Variants in AGTPBP1 observed in about 807,000 individuals in gnomAD.
The protein encoded by AGTPBP1 is ATP/GTP binding carboxypeptidase 1, also known as cytosolic carboxypeptidase 1.
In AGTPBP1, 70 loss-of-function variants were observed where a neutral mutation model predicts 143.9. The observed-to-expected ratio is 0.49, with a 90% confidence interval of 0.40 to 0.59. The LOEUF (loss-of-function observed/expected upper bound fraction) is 0.59. AGTPBP1 is among the 20% of genes least tolerant of loss of function. The pLI is 0.00. For missense variants in AGTPBP1, 1,229 were observed against 1,464.5 expected, an observed-to-expected ratio of 0.84 and a Z score of 2.62; for synonymous variants, 463 against 500.2, an observed-to-expected ratio of 0.93 and a Z score of 0.99.
intron 17 of AGTPBP1, among the ~76,000 whole-genome samples, chr9:85,618,034 G>A (rs1318879199): frequency 6.6e-6 from 1 of 152,120 alleles, no homozygotes; most frequent in African/African-American, 2.4e-5. Context: ...GAGGTCAGGA[G>A]TGCGAGACCA....
chr9:85,725,706 T>A (rs1411673022), intron 1 of AGTPBP1, among the ~76,000 whole-genome samples: 2 of 152,040 alleles, frequency 1.3e-5, no homozygotes, highest in Admixed American at 6.6e-5. Flanking sequence ...GCCCAAGAGT[T>A]CGAGACTAGC....
chr9:85,579,684 T>C (rs1406927322), intron 23 of AGTPBP1, among the ~76,000 whole-genome samples: 2 of 151,074 alleles, frequency 1.3e-5, no homozygotes, highest in East Asian at 1.9e-4. Flanking sequence ...GTAAATTAAA[T>C]TGTGATACTG....
chr9:85,673,142 A>G, intron 6 of AGTPBP1, among the ~76,000 whole-genome samples: 1 of 152,336 alleles, frequency 6.6e-6, no homozygotes, highest in East Asian at 1.9e-4. Context: ...TGAAAAGAAT[A>G]AAATTATAAT....
chr9:85,669,010 TACATACACAC>T (rs1834315259), intron 8 of AGTPBP1, among the ~76,000 whole-genome samples: 3 of 58,694 alleles, frequency 5.1e-5, no homozygotes, highest in South Asian at 4.7e-4. Flanking sequence ...TGTGTGTGTA[TACATACACAC>T]ACACACACAC....
At chr9:85,672,866 C>T (rs1834576916) in intron 6 of AGTPBP1, among the ~76,000 whole-genome samples, 185 bp from the exon 7 acceptor site, 1 of 151,474 alleles carries the variant, frequency 6.6e-6, no homozygotes, top group East Asian at 2.0e-4. Flanking sequence ...TCCTGAGTAG[C>T]TGGGATTACA....
intron 25 of AGTPBP1, among the ~76,000 whole-genome samples, chr9:85,560,035 G>A (rs1300435644): frequency 1.3e-5 from 2 of 152,114 alleles, no homozygotes; most frequent in Non-Finnish European, 2.9e-5. Flanking sequence ...ACAGACACTG[G>A]CTGGGGTCAA....
At chr9:85,695,846 C>CTT (rs754228578) in intron 2 of AGTPBP1, among the ~76,000 whole-genome samples, 3 of 145,344 alleles carry the variant, frequency 2.1e-5, no homozygotes, top group Non-Finnish European at 3.0e-5. Context: ...TTTTCTTTTA[C>CTT]TTTTTTTTTT....
intron 25 of AGTPBP1, among the ~76,000 whole-genome samples, chr9:85,573,117 C>G (rs1827622921): frequency 6.6e-6 from 1 of 152,080 alleles, no homozygotes. Flanking sequence ...CACGGTCTCC[C>G]TCTCCCTCTC....
chr9:85,692,736 G>A lies in AGTPBP1; in HGVS notation c.110C>T (p.Thr37Ile). The A allele has an allele frequency of 6.2e-7, 1 of 1,614,040 alleles. No individual in the cohort carries two copies. The highest frequency in any genetic ancestry group is 1.7e-5 in the Admixed American group (1 of 60,022). The change falls in exon 3 of 26, where the codon ACT becomes ATT. Residue 37 changes from threonine (T) to isoleucine (I), a missense_variant. Coordinates refer to ENST00000357081, the MANE Select transcript of AGTPBP1 (RefSeq NM_001330701.2). Reference sequence around the variant, plus strand: ...AATTTTTGATGTAACATATCGGGCAGTGTCTGATTCTGAAGGCTCAGCATT... The same window carrying A: ...AATTTTTGATGTAACATATCGGGCAATGTCTGATTCTGAAGGCTCAGCATT... ...KINAEPSESDTARYVTSKILH... is the reference protein window; with the variant it reads ...KINAEPSESDIARYVTSKILH...
the AGTPBP1 span, among the ~76,000 whole-genome samples, chr9:85,801,601 C>G: frequency 6.6e-6 from 1 of 152,004 alleles, no homozygotes; most frequent in Admixed American, 6.6e-5. Context: ...ATTGGAAAAC[C>G]TGGCATGTGT....
Position 85,578,983 on chromosome 9 carries a change from T to C in AGTPBP1, c.3279A>G (p.Ile1093Met). ...CCATGGTATAACTTCTTTGTACTCC[T>C]ATTTCCCTCCAAACTACAACACGTG... ...STARVVVWRE[I>M]GVQRSYTMES... The change falls in exon 24 of 26, where the codon ATA (isoleucine) becomes ATG (methionine). Residue 1093 changes from isoleucine to methionine, a missense_variant. Transcript: ENST00000357081. 2 of 1,613,472 alleles carry C rather than the reference T, an allele frequency of 1.2e-6. No individual in the cohort carries two copies. The highest frequency in any genetic ancestry group is 1.7e-6 in the Non-Finnish European group (2 of 1,179,780).
intron 10 of AGTPBP1, among the ~76,000 whole-genome samples, chr9:85,655,958 G>C (rs1487597297): frequency 1.3e-5 from 2 of 152,164 alleles, no homozygotes; most frequent in African/African-American, 2.4e-5. Flanking sequence ...CTCCCGAGTA[G>C]CTGGGACTAC....
chr9:85,689,234 G>GC (rs1395613588), intron 3 of AGTPBP1, among the ~76,000 whole-genome samples: 1 of 152,216 alleles, frequency 6.6e-6, no homozygotes, highest in African/African-American at 2.4e-5. Flanking sequence ...GTGCTAAAGG[G>GC]CAGAGACTGT....
At chr9:85,638,716 A>C (rs1832250704) in intron 13 of AGTPBP1, among the ~76,000 whole-genome samples, 1 of 151,908 alleles carries the variant, frequency 6.6e-6, no homozygotes, top group South Asian at 2.1e-4. Flanking sequence ...ATAATGATAA[A>C]AAGTCCAACT....
At chr9:85,667,489 G>T (rs1051622865) in intron 8 of AGTPBP1, among the ~76,000 whole-genome samples, 3 of 152,096 alleles carry the variant, frequency 2.0e-5, no homozygotes, top group Non-Finnish European at 2.9e-5. Flanking sequence ...AACAGATACA[G>T]GCAGTGTCAT....
the AGTPBP1 span, among the ~76,000 whole-genome samples, chr9:85,748,997 C>CTTT: frequency 0.013 from 1,247 of 95,404 alleles, 98 homozygotes; most frequent in African/African-American, 0.055. Context: ...ATCTAGTGCA[C>CTTT]TTTTTTTTTT....
At chr9:85,798,666 C>CT in the AGTPBP1 span, among the ~76,000 whole-genome samples, 4 of 151,864 alleles carry the variant, frequency 2.6e-5, no homozygotes, top group East Asian at 1.9e-4. Flanking sequence ...CTCTAAAGCT[C>CT]TTTTTTTTCT....
intron 25 of AGTPBP1, among the ~76,000 whole-genome samples, chr9:85,557,808 A>G (rs1826446156): frequency 6.6e-6 from 1 of 152,224 alleles, no homozygotes; most frequent in Non-Finnish European, 1.5e-5. Flanking sequence ...AAATACAGAT[A>G]ACAGAGGTTA....
At chr9:85,583,368 C>A (rs2133140273) in intron 23 of AGTPBP1, among the ~76,000 whole-genome samples, 1 of 152,126 alleles carries the variant, frequency 6.6e-6, no homozygotes, top group East Asian at 1.9e-4. Flanking sequence ...GCGCACCTGC[C>A]CTACAACCCT....
Sources: gnomAD v4.1 joint callset for allele counts (sites outside exome capture counted in the v4.1 genomes callset) on GRCh38, gnomAD v4.1.1 for gene constraint, MANE v1.5 for transcripts, NCBI Gene and HGNC (gene_info 2026-07-23, HGNC 2026-07-21) for gene names.